Variants in WLS observed in about 807,000 individuals in gnomAD.
The protein encoded by WLS is protein wntless homolog.
In WLS, 23 loss-of-function variants were observed where a neutral mutation model predicts 62.8. The observed-to-expected ratio is 0.37, with a 90% confidence interval of 0.26 to 0.52. WLS has a LOEUF of 0.52. Ranked by LOEUF, WLS falls within the 20% of genes least tolerant of loss-of-function variation. WLS has a pLI of 0.92. For synonymous variants in WLS, 246 were observed against 244.1 expected (o/e 1.01, Z -0.07); for missense variants, 615 against 697.3 (o/e 0.88, Z 1.33).
At chr1:68,163,204 G>C in intron 2 of WLS, 1 of 675,054 alleles carries the variant, frequency 1.5e-6, no homozygotes, top group Non-Finnish European at 2.6e-6. Context: ...CTATAAATCT[G>C]TACACACTAT....
intron 1 of WLS, among the ~76,000 whole-genome samples, chr1:68,208,512 G>A (rs1193425565): frequency 6.6e-6 from 1 of 152,174 alleles, no homozygotes; most frequent in Non-Finnish European, 1.5e-5. Context: ...TGGAAGAGAC[G>A]TTAGAAACAT....
rs760155705 is a variant in WLS at position 68,098,690 on chromosome 1, TC to T, written c.1573del (p.Glu525AsnfsTer58). ...GGAATATTTCGAAGCGCTGAACAAT[TC>T]TTGATAAAGTTCCGAAACAAACAAA... On this transcript the variant is annotated frameshift_variant, in exon 12 of 12. Transcript: ENST00000354777. LOFTEE classifies it low-confidence loss of function (END_TRUNC). The T allele has an allele frequency of 2.8e-5, 45 of 1,613,900 alleles. No individual in the cohort carries two copies. Among genetic ancestry groups the T allele is most frequent in the Non-Finnish European group, 3.6e-5 (43 of 1,179,954 alleles).
At chr1:68,193,258 T>C (rs1475999028) in intron 2 of WLS, among the ~76,000 whole-genome samples, 1 of 151,806 alleles carries the variant, frequency 6.6e-6, no homozygotes, top group Admixed American at 6.6e-5. Context: ...CAAAAAGTTT[T>C]CTTACTTCTC....
At chr1:68,194,785 C>G (rs1451829883) in intron 1 of WLS, among the ~76,000 whole-genome samples, 1 of 152,146 alleles carries the variant, frequency 6.6e-6, no homozygotes, top group African/African-American at 2.4e-5. Context: ...AACTAGGGGA[C>G]ACCAGTTAGC....
Position 68,150,244 on chromosome 1 carries a change from T to C in WLS, c.916A>G (p.Ile306Val), listed in dbSNP as rs373703620. The part of the protein sequence containing the change: ...MLLFGDIRQG[I>V]FYAMLLSFWI... ...AAGGACAGAAGCATCGCATAGAAGATGCCCTGTCGGATGTCACCAAACAGC... is the reference window on the plus strand; with the variant it reads ...AAGGACAGAAGCATCGCATAGAAGACGCCCTGTCGGATGTCACCAAACAGC... The change falls in exon 6 of 12, where the codon ATC (isoleucine) becomes GTC (valine). Residue 306 changes from isoleucine to valine, a missense_variant. Coordinates refer to ENST00000262348, the MANE Select transcript of WLS (RefSeq NM_024911.7). 47 of 1,614,044 alleles carry C rather than the reference T, an allele frequency of 2.9e-5. No individual in the cohort carries two copies. In the Middle Eastern group the frequency reaches 4.9e-4, roughly 17 times the overall value.
intron 11 of WLS, among the ~76,000 whole-genome samples, chr1:68,131,845 AAGG>A (rs1646530809): frequency 6.6e-6 from 1 of 152,298 alleles, no homozygotes; most frequent in South Asian, 2.1e-4. Context: ...TTTGAAAGAA[AAGG>A]AGATTAGAAT....
intron 2 of WLS, among the ~76,000 whole-genome samples, chr1:68,160,359 G>A (rs547117297): frequency 6.6e-6 from 1 of 151,698 alleles, no homozygotes; most frequent in Non-Finnish European, 1.5e-5. Context: ...ACTTAAGGAC[G>A]GCATGACTTG....
intron 1 of WLS, among the ~76,000 whole-genome samples, chr1:68,208,440 T>C (rs561855397): frequency 1.3e-5 from 2 of 152,240 alleles, no homozygotes; most frequent in Admixed American, 1.3e-4. Context: ...AGGTAGAAGA[T>C]ATGGGCTTGA....
intron 11 of WLS, among the ~76,000 whole-genome samples, chr1:68,128,264 G>A (rs1646465168): frequency 6.6e-6 from 1 of 152,208 alleles, no homozygotes; most frequent in South Asian, 2.1e-4. Flanking sequence ...CACTTGTACA[G>A]TGAGCAACTA....
At chr1:68,160,741 AC>A (rs1646961057) in intron 2 of WLS, among the ~76,000 whole-genome samples, 1 of 152,152 alleles carries the variant, frequency 6.6e-6, no homozygotes. Context: ...TTCTTTTGTC[AC>A]AAAAACAGGA....
At chr1:68,146,131 T>A (rs1646750307) in intron 8 of WLS, 119 bp from the exon 9 acceptor site, 1 of 1,141,434 alleles carries the variant, frequency 8.8e-7, no homozygotes, top group African/African-American at 1.6e-5. Context: ...GTAGAAAATT[T>A]TCAAGGGGAT....
At chr1:68,193,398 T>TA (rs904327955) in intron 2 of WLS, among the ~76,000 whole-genome samples, 1 of 15,416 alleles carries the variant, frequency 6.5e-5, no homozygotes, top group Non-Finnish European at 1.6e-4. Flanking sequence ...GCAAATAAGC[T>TA]AAAAAAAAAA....
intron 11 of WLS, among the ~76,000 whole-genome samples, chr1:68,119,225 A>G (rs1360502026): frequency 6.6e-6 from 1 of 152,164 alleles, no homozygotes; most frequent in Non-Finnish European, 1.5e-5. Flanking sequence ...CTGTCCAGAA[A>G]TTTATTTTCT....
intron 11 of WLS, among the ~76,000 whole-genome samples, chr1:68,132,053 C>T (rs1275305613): frequency 1.3e-5 from 2 of 152,088 alleles, no homozygotes; most frequent in East Asian, 1.9e-4. Flanking sequence ...TTTAGGAAGC[C>T]GAAGGTTCTT....
intron 1 of WLS, among the ~76,000 whole-genome samples, chr1:68,209,924 A>G (rs968673422): frequency 3.9e-5 from 6 of 152,248 alleles, no homozygotes; most frequent in African/African-American, 1.4e-4. Flanking sequence ...TCCCAGGTCC[A>G]TAGTCTCTCC....
At chr1:68,229,355 A>C (rs1275654961) in intron 1 of WLS, among the ~76,000 whole-genome samples, 1 of 152,216 alleles carries the variant, frequency 6.6e-6, no homozygotes, top group East Asian at 1.9e-4. Flanking sequence ...ATCAAAAAGA[A>C]AAATATATTC....
intron 11 of WLS, among the ~76,000 whole-genome samples, chr1:68,129,281 T>C (rs1293861436): frequency 3.9e-5 from 6 of 152,092 alleles, no homozygotes; most frequent in Non-Finnish European, 2.9e-5. Context: ...GTCAAGATCG[T>C]GCCCTTGCAC....
At chr1:68,129,648 G>A (rs566938997) in intron 11 of WLS, among the ~76,000 whole-genome samples, 1 of 152,272 alleles carries the variant, frequency 6.6e-6, no homozygotes, top group Admixed American at 6.5e-5. Context: ...TTGGGGAATG[G>A]GTGTGTGAAC....
intron 2 of WLS, among the ~76,000 whole-genome samples, chr1:68,173,002 GGGGGCCAGGTAGACAAA>G (rs1647177037): frequency 6.6e-6 from 1 of 152,168 alleles, no homozygotes; most frequent in Non-Finnish European, 1.5e-5. Context: ...GACTGGGATG[GGGGGCCAGGTAGACAAA>G]GAGACATCCT....
Sources: allele counts gnomAD v4.1 joint callset (sites outside exome capture counted in the v4.1 genomes callset), GRCh38; gene constraint gnomAD v4.1.1; transcripts MANE v1.5; gene names NCBI Gene and HGNC (gene_info 2026-07-23, HGNC 2026-07-21).